Variants in TRIM51 observed in about 807,000 individuals in gnomAD.
TRIM51 encodes tripartite motif-containing protein 51.
In TRIM51, 23 loss-of-function variants were observed where a neutral mutation model predicts 32.7. That is an observed-to-expected ratio of 0.70 (90% CI 0.51 to 1.00). The LOEUF (loss-of-function observed/expected upper bound fraction) is 1.00. Ranked by LOEUF, TRIM51 falls within the 50% of genes least tolerant of loss-of-function variation. The probability of loss-of-function intolerance (pLI) is 0.00; values close to 1 mark genes in which losing one functional copy is unlikely to be tolerated. For synonymous variants in TRIM51, 177 were observed against 181.9 expected (o/e 0.97, Z 0.22); for missense variants, 592 against 539.2 (o/e 1.10, Z -0.97).
chr11:55,889,721 A>G (rs1221899679), intron 5 of TRIM51, among the ~76,000 whole-genome samples: 1 of 152,202 alleles, frequency 6.6e-6, no homozygotes, highest in Non-Finnish European at 1.5e-5. Flanking sequence ...GAGCAATACG[A>G]AGAAAGATCC....
Position 55,885,666 on chromosome 11 carries a change from G to T in TRIM51, c.238G>T (p.Ala80Ser), listed in dbSNP as rs573653122. 1 of 1,610,838 alleles carries T rather than the reference G, an allele frequency of 6.2e-7. No individual in the cohort carries two copies. Among genetic ancestry groups the T allele is most frequent in the Non-Finnish European group, 8.5e-7 (1 of 1,179,240 alleles). ...LKNMAFIARK[A>S]SLRQFLSSEE... ...GAACATGGCTTTCATTGCCAGAAAA[G>T]CCAGCCTCCGGCAATTCCTTAGCTC... Residue 80 changes from alanine to serine, a missense_variant, in exon 2 of 7, where the codon GCC becomes TCC. Ala to Ser is a moderately conservative substitution (Grantham distance 99, BLOSUM62 1). Transcript: ENST00000449290.
chr11:55,884,823 ATTT>A (rs1854553968), intron 1 of TRIM51, among the ~76,000 whole-genome samples: 1 of 152,156 alleles, frequency 6.6e-6, no homozygotes, highest in African/African-American at 2.4e-5. Flanking sequence ...GAAGAAGTTA[ATTT>A]AAGCCATAAG....
chr11:55,883,757 T>G (rs1393150515), intron 1 of TRIM51, among the ~76,000 whole-genome samples: 4 of 152,144 alleles, frequency 2.6e-5, no homozygotes, highest in Admixed American at 6.6e-5. Flanking sequence ...TTCATAACCT[T>G]AAGCTTTTAG....
intron 5 of TRIM51, 66 bp downstream of exon 5, chr11:55,889,067 T>C: frequency 1.0e-5 from 14 of 1,388,406 alleles, no homozygotes; most frequent in Non-Finnish European, 1.3e-5. Flanking sequence ...GGAACTTTGA[T>C]ATTGAAGGTA....
intron 1 of TRIM51, among the ~76,000 whole-genome samples, chr11:55,884,352 A>G (rs1377652097): frequency 6.7e-6 from 1 of 149,928 alleles, no homozygotes; most frequent in Non-Finnish European, 1.5e-5. Flanking sequence ...CTCAGATCAT[A>G]TATCTGTCCT....
At chr11:55,889,716 A>G (rs1854623150) in intron 5 of TRIM51, among the ~76,000 whole-genome samples, 1 of 152,214 alleles carries the variant, frequency 6.6e-6, no homozygotes, top group South Asian at 2.1e-4. Flanking sequence ...ACTAGGAGCA[A>G]TACGAAGAAA....
In TRIM51 at chr11:55,885,849, G is replaced by A. The variant is rs1348873038; in HGVS notation, c.411+10G>A. ...TGCTGAGGAACGCCGGGTAAGTGAT[G>A]CCTCTGAAGATCTATTTCTATACAG... On this transcript the variant is annotated intron_variant, in intron 2 of 6. Coordinates refer to ENST00000449290, the MANE Select transcript of TRIM51 (RefSeq NM_032681.4). The A allele has an allele frequency of 6.8e-6, 11 of 1,611,532 alleles. No homozygotes were observed. The African/African-American group carries it at 1.5e-4, about 22-fold the overall frequency.
chr11:55,888,139 C>T lies in TRIM51; in HGVS notation c.615C>T (p.Gly205=), dbSNP rs141719000. 2.4e-5 allele frequency: 38 copies of T among 1,613,470 alleles called. No individual in the cohort carries two copies. The highest frequency in any genetic ancestry group is 1.6e-4 in the Middle Eastern group (1 of 6,076). ...QHHLERLRKE[G]EDIFQQLNES... ...ACTTGGAAAGGCTGCGAAAGGAGGGCGAGGACATTTTTCAGCAACTCAATG... is the reference window on the plus strand; with the variant it reads ...ACTTGGAAAGGCTGCGAAAGGAGGGTGAGGACATTTTTCAGCAACTCAATG... Residue 205 remains glycine, a synonymous_variant, in exon 4 of 7, where the codon GGC becomes GGT. Coordinates refer to ENST00000449290, the MANE Select transcript of TRIM51 (RefSeq NM_032681.4).
At chr11:55,886,682 G>T (rs896940497) in intron 3 of TRIM51, among the ~76,000 whole-genome samples, 1 of 152,092 alleles carries the variant, frequency 6.6e-6, no homozygotes, top group African/African-American at 2.4e-5. Flanking sequence ...AGCATGAAAT[G>T]AAATATCAGC....
intron 3 of TRIM51, among the ~76,000 whole-genome samples, chr11:55,887,375 T>G (rs1434733796): frequency 3.3e-5 from 5 of 151,600 alleles, no homozygotes; most frequent in Non-Finnish European, 5.9e-5. Flanking sequence ...TATATATTCC[T>G]CATATATCCA....
rs754666267 is a variant in TRIM51, at chr11:55,885,416, C to A, written c.-4-9C>A. The A allele has an allele frequency of 5.0e-6, 8 of 1,611,694 alleles. No individual in the cohort carries two copies. Among genetic ancestry groups the A allele is most frequent in the Non-Finnish European group, 5.9e-6 (7 of 1,179,650 alleles). On this transcript the variant is annotated splice_polypyrimidine_tract_variant and intron_variant, in intron 1 of 6. Coordinates refer to ENST00000449290, the MANE Select transcript of TRIM51 (RefSeq NM_032681.4). Reference sequence around the variant, plus strand: ...ACCCCAAAATGACATGCTGCTCTTTCTTCTTCAGAAACATGAATTCTGGAA... The same window carrying A: ...ACCCCAAAATGACATGCTGCTCTTTATTCTTCAGAAACATGAATTCTGGAA...
intron 3 of TRIM51, 70 bp downstream of exon 3, chr11:55,886,288 A>G (rs1211347030): frequency 8.3e-7 from 1 of 1,202,004 alleles, no homozygotes. Flanking sequence ...TAAAATAGGA[A>G]CTTGATCTCA....
In TRIM51 at chr11:55,888,196, G is replaced by A. The variant is rs1854601678; in HGVS notation, c.672G>A (p.Glu224=). 1 of 1,613,510 alleles carries A rather than the reference G, an allele frequency of 6.2e-7. No homozygotes were observed. The highest frequency in any genetic ancestry group is 1.3e-5 in the African/African-American group (1 of 74,894). The change falls in exon 4 of 7, where the codon GAG becomes GAA. Residue 224 remains glutamate (E), a synonymous_variant. Coordinates refer to ENST00000449290, the MANE Select transcript of TRIM51 (RefSeq NM_032681.4). ...AAGCCAGAATGGAACATTCCAGGGAGCTTTTAAGAGGAATGTATGAGGATC... is the reference window on the plus strand; with the variant it reads ...AAGCCAGAATGGAACATTCCAGGGAACTTTTAAGAGGAATGTATGAGGATC... ...ESKARMEHSR[E]LLRGMYEDLK...
In TRIM51 at chr11:55,891,642, AG is replaced by A; in HGVS notation, c.*11del. 1 of 1,612,702 alleles carries A rather than the reference AG, an allele frequency of 6.2e-7. No homozygotes were observed. Among genetic ancestry groups the A allele is most frequent in the Non-Finnish European group, 8.5e-7 (1 of 1,179,468 alleles). ...CTGTAGTCACTTCTGACCAGAGAAAAGTCAGAAATGTGCCTGTATGCTCTGG... is the reference window on the plus strand; with the variant it reads ...CTGTAGTCACTTCTGACCAGAGAAAATCAGAAATGTGCCTGTATGCTCTGG... On this transcript the variant is annotated 3_prime_UTR_variant, in exon 7 of 7. Coordinates refer to ENST00000449290, the MANE Select transcript of TRIM51 (RefSeq NM_032681.4).
chr11:55,886,669 G>A (rs1854582676), intron 3 of TRIM51, among the ~76,000 whole-genome samples: 1 of 152,148 alleles, frequency 6.6e-6, no homozygotes, highest in Admixed American at 6.5e-5. Flanking sequence ...CAACCTTAGA[G>A]AAAGCATGAA....
rs766968407 is a variant in TRIM51 at position 55,885,585 on chromosome 11, T to G, written c.157T>G (p.Ser53Ala). The change falls in exon 2 of 7, where the codon TCT (serine) becomes GCT (alanine). Residue 53 changes from serine (S) to alanine (A), a missense_variant. Coordinates refer to ENST00000449290, the MANE Select transcript of TRIM51 (RefSeq NM_032681.4). ...AGACACGGCAGTTCTTGCTCAGTGC[T>G]CTGAATGCAAGAAGACAACGCGGCA... ...WQDTAVLAQC[S>A]ECKKTTRQRN... The G allele has an allele frequency of 4.3e-6, 7 of 1,611,778 alleles. No individual in the cohort carries two copies. The highest frequency in any genetic ancestry group is 5.9e-6 in the Non-Finnish European group (7 of 1,179,714).
rs745722749 is a variant in TRIM51 at position 55,886,108 on chromosome 11, G to C, written c.412-15G>C. 1.2e-6 allele frequency: 2 copies of C among 1,609,390 alleles called. No homozygotes were observed. Among genetic ancestry groups the C allele is most frequent in the Non-Finnish European group, 1.7e-6 (2 of 1,176,476 alleles). ...ATTGTCCTCACTTGTGCTTCAATTC[G>C]TGGCTGTTTTGCAGGAGGAGCTCCT... On this transcript the variant is annotated splice_polypyrimidine_tract_variant and intron_variant, in intron 2 of 6. Transcript: ENST00000449290.
intron 3 of TRIM51, among the ~76,000 whole-genome samples, chr11:55,887,363 C>T (rs1854590273): frequency 6.6e-6 from 1 of 150,794 alleles, no homozygotes; most frequent in Non-Finnish European, 1.5e-5. Flanking sequence ...CACAGATACA[C>T]ATATATATTC....
rs1391195770 is a variant in TRIM51 at position 55,885,810 on chromosome 11, C to A, written c.382C>A (p.Pro128Thr). 12 of 1,611,774 alleles carry A rather than the reference C, an allele frequency of 7.4e-6. No homozygotes were observed. In the South Asian group the frequency reaches 1.3e-4, roughly 18 times the overall value. The change falls in exon 2 of 7, where the codon CCC (proline) becomes ACC (threonine). Residue 128 changes from proline (P) to threonine (T), a missense_variant. Transcript: ENST00000449290. ...SQEHRNHIHC[P>T]IEWAAEERRE... is the part of the protein sequence containing the mutation. ...GGAGCACCGGAATCACATACACTGT[C>A]CCATTGAGTGGGCTGCTGAGGAACG...
Sources: allele counts gnomAD v4.1 joint callset (sites outside exome capture counted in the v4.1 genomes callset), GRCh38; gene constraint gnomAD v4.1.1; transcripts MANE v1.5; gene names NCBI Gene and HGNC (gene_info 2026-07-23, HGNC 2026-07-21).